The following GABRB1 variants were observed in gnomAD, a reference collection of about 807,000 sequenced individuals.
The protein encoded by GABRB1 is gamma-aminobutyric acid type A receptor subunit beta1, also known as gamma-aminobutyric acid receptor subunit beta-1.
A neutral mutation model predicts 51.6 loss-of-function variants in GABRB1; 17 were observed. The observed-to-expected ratio is 0.33, with a 90% CI of 0.23 to 0.49. The LOEUF (loss-of-function observed/expected upper bound fraction) is 0.49. Ranked by LOEUF, GABRB1 falls within the 20% of genes least tolerant of loss-of-function variation. GABRB1 has a pLI of 0.99. For missense variants in GABRB1, 410 were observed against 600.6 expected, an observed-to-expected ratio of 0.68 and a Z score of 3.32; for synonymous variants, 247 against 218.9, an observed-to-expected ratio of 1.13 and a Z score of -1.14.
chr4:47,397,908 C>G (rs1444617176), intron 5 of GABRB1, among the ~76,000 whole-genome samples: 1 of 151,998 alleles, frequency 6.6e-6, no homozygotes, highest in Non-Finnish European at 1.5e-5. Context: ...TCTTGGGTTT[C>G]TTTATTTTAA....
At chr4:47,109,002 G>A (rs1331615352) in intron 3 of GABRB1, among the ~76,000 whole-genome samples, 2 of 152,048 alleles carry the variant, frequency 1.3e-5, no homozygotes, top group African/African-American at 2.4e-5. Context: ...GCTGCTTTGG[G>A]TATCAAGATT....
intron 5 of GABRB1, among the ~76,000 whole-genome samples, chr4:47,369,103 G>A (rs1400666842): frequency 2.6e-5 from 4 of 151,058 alleles, no homozygotes; most frequent in Non-Finnish European, 4.4e-5. Context: ...GAGAGACTCC[G>A]TCTCAATTTA....
chr4:47,049,629 A>G (rs1420260301), intron 3 of GABRB1, among the ~76,000 whole-genome samples: 1 of 152,164 alleles, frequency 6.6e-6, no homozygotes, highest in African/African-American at 2.4e-5. Context: ...GGTATTTTTC[A>G]CTTTTCTGCC....
intron 1 of GABRB1, among the ~76,000 whole-genome samples, chr4:47,001,289 C>T (rs1038081167): frequency 1.3e-5 from 2 of 151,916 alleles, no homozygotes; most frequent in South Asian, 2.1e-4. Flanking sequence ...ACTACAGGCG[C>T]CCCCCACCAC....
At chr4:47,337,857 TA>T (rs1374942759) in intron 5 of GABRB1, among the ~76,000 whole-genome samples, 1 of 147,210 alleles carries the variant, frequency 6.8e-6, no homozygotes, top group Non-Finnish European at 1.5e-5. Context: ...GGGATGTCAT[TA>T]AAATATCATG....
chr4:47,100,666 G>C (rs1714680843), intron 3 of GABRB1, among the ~76,000 whole-genome samples: 2 of 151,742 alleles, frequency 1.3e-5, no homozygotes, highest in African/African-American at 4.8e-5. Context: ...TGTTGTGATG[G>C]AAAAGGTAAA....
chr4:47,063,029 T>C (rs1436998222), intron 3 of GABRB1, among the ~76,000 whole-genome samples: 1 of 152,164 alleles, frequency 6.6e-6, no homozygotes, highest in African/African-American at 2.4e-5. Flanking sequence ...TTATATCACT[T>C]CTTACTCAAA....
chr4:47,262,554 G>A lies in GABRB1; in HGVS notation c.462-57573G>A, dbSNP rs537245459. On this transcript the variant is annotated intron_variant, in intron 4 of 8. Coordinates refer to ENST00000295454, the MANE Select transcript of GABRB1 (RefSeq NM_000812.4). Reference sequence around the variant, plus strand: ...AAAAGTCAGGAAACAACAGGTGCTGGAGAGGATGTGGAGAAATAGGAACAC... The same window carrying A: ...AAAAGTCAGGAAACAACAGGTGCTGAAGAGGATGTGGAGAAATAGGAACAC... Among the ~76,000 whole-genome samples the A allele has an allele frequency of 7.2e-5, 11 of 152,274 alleles. 1 individual carries two copies. In the South Asian group the frequency reaches 2.3e-3, roughly 32 times the overall value.
chr4:47,329,048 T>C (rs920734018), intron 5 of GABRB1, among the ~76,000 whole-genome samples: 2 of 152,132 alleles, frequency 1.3e-5, no homozygotes, highest in African/African-American at 4.8e-5. Flanking sequence ...AAGCACTACA[T>C]TAACAACTGG....
chr4:47,000,054 C>G (rs1454342476), intron 1 of GABRB1, among the ~76,000 whole-genome samples: 1 of 152,142 alleles, frequency 6.6e-6, no homozygotes, highest in African/African-American at 2.4e-5. Context: ...CCTTGTTAGT[C>G]AAATTGCAAT....
chr4:47,193,092 A>T (rs1366582902), intron 4 of GABRB1, among the ~76,000 whole-genome samples: 1 of 152,126 alleles, frequency 6.6e-6, no homozygotes, highest in East Asian at 1.9e-4. Flanking sequence ...ATGAGCTTGT[A>T]ATTATCCCCA....
At chr4:47,037,967 C>T (rs1577848012) in intron 3 of GABRB1, among the ~76,000 whole-genome samples, 1 of 152,156 alleles carries the variant, frequency 6.6e-6, no homozygotes, top group Non-Finnish European at 1.5e-5. Context: ...AAAAAATAGC[C>T]TAGGACTTTG....
intron 3 of GABRB1, among the ~76,000 whole-genome samples, chr4:47,068,946 C>A (rs551904179): frequency 6.6e-6 from 1 of 152,270 alleles, no homozygotes; most frequent in Admixed American, 6.5e-5. Flanking sequence ...GAGATGCCAA[C>A]CCCTGGCTTT....
intron 3 of GABRB1, among the ~76,000 whole-genome samples, chr4:47,159,784 A>G (rs1310860176): frequency 6.6e-6 from 1 of 152,080 alleles, no homozygotes; most frequent in Non-Finnish European, 1.5e-5. Context: ...TATGAAGTGC[A>G]GTTTGCCCAG....
At chr4:47,329,240 T>C (rs2109972952) in intron 5 of GABRB1, among the ~76,000 whole-genome samples, 2 of 152,086 alleles carry the variant, frequency 1.3e-5, no homozygotes, top group East Asian at 3.9e-4. Context: ...ATAGCAGACA[T>C]TCTGAATGTT....
intron 4 of GABRB1, among the ~76,000 whole-genome samples, chr4:47,244,109 G>T (rs1288590747): frequency 1.3e-5 from 2 of 152,084 alleles, no homozygotes; most frequent in Non-Finnish European, 2.9e-5. Flanking sequence ...GTTGAATTTT[G>T]TCGAAGGCCT....
intron 3 of GABRB1, among the ~76,000 whole-genome samples, chr4:47,132,624 C>G (rs1269931765): frequency 6.6e-6 from 1 of 151,976 alleles, no homozygotes; most frequent in Non-Finnish European, 1.5e-5. Context: ...AAAAAAGGAC[C>G]AAGTGTGGAA....
intron 4 of GABRB1, among the ~76,000 whole-genome samples, chr4:47,226,192 A>G (rs911088819): frequency 2.6e-5 from 4 of 152,190 alleles, no homozygotes; most frequent in African/African-American, 9.6e-5. Context: ...AGTGAAATAG[A>G]TGTGATACTG....
chr4:47,131,567 T>G (rs973984638), intron 3 of GABRB1, among the ~76,000 whole-genome samples: 1 of 152,210 alleles, frequency 6.6e-6, no homozygotes, highest in African/African-American at 2.4e-5. Context: ...ACTGCAATTT[T>G]TTTTTGCACC....
Sources: gnomAD v4.1 joint callset for allele counts (sites outside exome capture counted in the v4.1 genomes callset) on GRCh38, gnomAD v4.1.1 for gene constraint, MANE v1.5 for transcripts, NCBI Gene and HGNC (gene_info 2026-07-23, HGNC 2026-07-21) for gene names.